The following PBRM1 variants were observed in gnomAD, a reference collection of about 807,000 sequenced individuals.
The protein encoded by PBRM1 is polybromo 1, also known as protein polybromo-1.
Under a neutral mutation model 194.5 loss-of-function variants are expected in PBRM1, and 27 were observed. The observed-to-expected ratio is 0.14, with a 90% confidence interval of 0.10 to 0.19. The LOEUF is 0.19. PBRM1 is among the 10% of genes least tolerant of loss of function. The pLI is 1.00. For synonymous variants in PBRM1, 655 were observed against 693.2 expected (o/e 0.94, Z 0.87); for missense variants, 1,466 against 2,077.2 (o/e 0.71, Z 5.72).
intron 20 of PBRM1, among the ~76,000 whole-genome samples, chr3:52,579,693 G>A (rs150362022): frequency 5.5e-4 from 83 of 152,212 alleles, no homozygotes; most frequent in Non-Finnish European, 1.0e-3. Flanking sequence ...TGAAATAAAC[G>A]AAGACTTATC....
chr3:52,655,534 A>C (rs937424360), intron 5 of PBRM1, among the ~76,000 whole-genome samples: 9 of 152,184 alleles, frequency 5.9e-5, no homozygotes, highest in African/African-American at 2.2e-4. Context: ...ATATGGGTAT[A>C]CAAATATCTC....
In PBRM1 at chr3:52,564,219, A is replaced by T. The variant is rs1332979792; in HGVS notation, c.3706T>A (p.Leu1236Met). 2.5e-6 allele frequency: 4 copies of T among 1,612,062 alleles called. No individual in the cohort carries two copies. In the South Asian group the frequency reaches 4.4e-5, roughly 18 times the overall value. Reference sequence around the variant, plus strand: ...CAGGAGAGGAAGTCCTTGAATGACAACACAGCACACTTTCCTGAAAGAGAA... The same window carrying T: ...CAGGAGAGGAAGTCCTTGAATGACATCACAGCACACTTTCCTGAAAGAGAA... Residue 1236 changes from leucine (L) to methionine (M), a missense_variant, in exon 23 of 30, where the codon TTG (leucine) becomes ATG (methionine). By Grantham distance (15) the Leu-to-Met change is conservative (BLOSUM62 2). Around this residue, in one of 5 missense-constraint regions of PBRM1, gnomAD observed 687 missense variants for 946.2 expected, o/e 0.73. Transcript: ENST00000296302.
intron 2 of PBRM1, among the ~76,000 whole-genome samples, chr3:52,671,122 C>T (rs2096938876): frequency 6.6e-6 from 1 of 152,206 alleles, no homozygotes; most frequent in African/African-American, 2.4e-5. Context: ...CAGAACAGGA[C>T]TTTTACACAA....
At chr3:52,577,471 C>CGAA (rs978718754) in intron 21 of PBRM1, among the ~76,000 whole-genome samples, 95 of 150,312 alleles carry the variant, frequency 6.3e-4, no homozygotes, top group African/African-American at 2.2e-3. Flanking sequence ...AGTGCCCCTT[C>CGAA]ACCCCTTCAG....
At position 52,568,225 on chromosome 3, in the gene PBRM1, C is replaced by G. The variant is rs558784028; in HGVS notation, c.3692-3992G>C. ...GACTCCTGACCTCAGGTGATCCACCCACCTTGGCCTCCCAAAGTGCTGGCA... is the reference window on the plus strand; with the variant it reads ...GACTCCTGACCTCAGGTGATCCACCGACCTTGGCCTCCCAAAGTGCTGGCA... On this transcript the variant is annotated intron_variant, in intron 22 of 29. Coordinates refer to ENST00000296302, the Ensembl canonical transcript of PBRM1. 9.8e-4 allele frequency among the ~76,000 whole-genome samples: 150 copies of G among 152,300 alleles called. 1 individual carries two copies. The highest frequency in any genetic ancestry group is 3.5e-3 in the African/African-American group (146 of 41,566).
chr3:52,672,653 C>G (rs2096976544), intron 2 of PBRM1, among the ~76,000 whole-genome samples: 1 of 151,950 alleles, frequency 6.6e-6, no homozygotes, highest in Admixed American at 6.6e-5. Context: ...CACCACCACG[C>G]CCGGCTAATT....
At chr3:52,578,166 A>G (rs926764260) in intron 21 of PBRM1, among the ~76,000 whole-genome samples, 1 of 152,094 alleles carries the variant, frequency 6.6e-6, no homozygotes, top group Non-Finnish European at 1.5e-5. Context: ...AGGCCTATAT[A>G]AACCATTCTC....
rs746864064 is a variant in PBRM1 at position 52,609,813 on chromosome 3, A to G, written c.2067T>C (p.Ser689=). 1.2e-6 allele frequency: 2 copies of G among 1,613,668 alleles called. No homozygotes were observed. The highest frequency in any genetic ancestry group is 1.1e-5 in the South Asian group (1 of 90,998). ...GATAGTAGTCAGGCAACTCAGATCT[A>G]GAGGGAAGCCTCAGAAATATGGCAC... The change falls in exon 16 of 30, where the codon TCT becomes TCC. Residue 689 remains serine, a synonymous_variant. Coordinates refer to ENST00000296302, the Ensembl canonical transcript of PBRM1. This position sits in a 1 kb window ranked among gnomAD's most constrained non-coding sequence, Gnocchi z 4.1.
intron 13 of PBRM1, among the ~76,000 whole-genome samples, chr3:52,618,163 A>T (rs2095068725): frequency 6.6e-6 from 1 of 152,168 alleles, no homozygotes; most frequent in African/African-American, 2.4e-5. Context: ...CCTACTTTAA[A>T]GAATAAGCGG....
chr3:52,569,972 CTTTT>C (rs548901191), intron 22 of PBRM1, among the ~76,000 whole-genome samples: 9 of 152,020 alleles, frequency 5.9e-5, no homozygotes, highest in Non-Finnish European at 1.2e-4. Flanking sequence ...TGTTTCTTTT[CTTTT>C]TTTGTTTTTT....
intron 2 of PBRM1, 100 bp from the exon 4 acceptor site, chr3:52,668,745 G>T: frequency 4.9e-6 from 2 of 405,734 alleles, no homozygotes; most frequent in Non-Finnish European, 8.0e-6. Flanking sequence ...CCAAGTGACA[G>T]AGCATATTAG....
intron 17 of PBRM1, among the ~76,000 whole-genome samples, chr3:52,599,384 G>GTCTA (rs1445909997): frequency 2.0e-5 from 3 of 152,116 alleles, no homozygotes; most frequent in Non-Finnish European, 4.4e-5. Flanking sequence ...ATTATAGTCA[G>GTCTA]TCTATAGTAC....
At chr3:52,682,265 A>G (rs1358977547), upstream of PBRM1, 1 of 151,882 alleles carries the variant, frequency 6.6e-6, no homozygotes, top group Non-Finnish European at 1.5e-5. Context: ...TCATGTGAGC[A>G]AAAGGTCTGG....
At chr3:52,662,635 G>T (rs1487215487) in intron 3 of PBRM1, among the ~76,000 whole-genome samples, 1 of 152,092 alleles carries the variant, frequency 6.6e-6, no homozygotes, top group Non-Finnish European at 1.5e-5. Flanking sequence ...AGACCATCCT[G>T]GCCAACATGG....
chr3:52,672,630 G>A (rs992754677), intron 2 of PBRM1, among the ~76,000 whole-genome samples: 2 of 151,708 alleles, frequency 1.3e-5, no homozygotes, highest in African/African-American at 4.8e-5. Flanking sequence ...GAGTAGCTGA[G>A]ATTATAGGTG....
chr3:52,565,496 AG>A (rs1014487476), intron 22 of PBRM1, among the ~76,000 whole-genome samples: 3 of 151,720 alleles, frequency 2.0e-5, no homozygotes, highest in Admixed American at 6.6e-5. Flanking sequence ...CAATAGAGCG[AG>A]ACTCAGTCTC....
At chr3:52,673,990 G>A (rs2154024124) in intron 2 of PBRM1, among the ~76,000 whole-genome samples, 1 of 151,026 alleles carries the variant, frequency 6.6e-6, no homozygotes, top group South Asian at 2.1e-4. Flanking sequence ...GGCAGAGGCT[G>A]CAATAAGCCA....
intron 22 of PBRM1, among the ~76,000 whole-genome samples, chr3:52,575,356 C>A (rs1011888882): frequency 2.0e-5 from 3 of 151,958 alleles, no homozygotes; most frequent in African/African-American, 7.3e-5. Flanking sequence ...TGTTATAATA[C>A]CCAAAATGAG....
intron 3 of PBRM1, 100 bp from the exon 5 acceptor site, chr3:52,662,376 T>C: frequency 1.0e-6 from 1 of 968,358 alleles, no homozygotes. Context: ...CAAAAATTGT[T>C]ACAAATTTTA....
Sources: allele counts gnomAD v4.1 joint callset (sites outside exome capture counted in the v4.1 genomes callset), GRCh38; gene constraint gnomAD v4.1.1; regional missense constraint gnomAD v4.1.1; non-coding constraint Gnocchi (gnomAD v3.1); transcripts MANE v1.5; gene names NCBI Gene and HGNC (gene_info 2026-07-23, HGNC 2026-07-21).